KCNC2: variants seen among roughly 807,000 people sequenced by gnomAD.
KCNC2 encodes voltage-gated potassium channel KCNC2.
A neutral mutation model predicts 44.5 loss-of-function variants in KCNC2; 21 were observed. The ratio of observed to expected loss-of-function variants is 0.47; its 90% CI spans 0.33 to 0.68. The LOEUF (loss-of-function observed/expected upper bound fraction) is 0.68. Among genes scored for constraint, KCNC2 ranks in the 30% least tolerant of loss-of-function variants. KCNC2 has a pLI of 0.01. For synonymous variants in KCNC2, 391 were observed against 339.1 expected, an observed-to-expected ratio of 1.15 and a Z score of -1.68; for missense variants, 589 against 826.2, an observed-to-expected ratio of 0.71 and a Z score of 3.52.
chr12:75,046,781 C>G (rs533692998), intron 4 of KCNC2, among the ~76,000 whole-genome samples: 2 of 151,838 alleles, frequency 1.3e-5, no homozygotes, highest in East Asian at 1.9e-4. Flanking sequence ...GAAATAGATG[C>G]AAACAATGGA....
chr12:75,191,093 A>G (rs1047064943), intron 2 of KCNC2, among the ~76,000 whole-genome samples: 2 of 152,170 alleles, frequency 1.3e-5, no homozygotes, highest in African/African-American at 4.8e-5. Context: ...GACACCATTC[A>G]CAATAACAAC....
At chr12:75,066,508 A>G (rs575462652) in intron 2 of KCNC2, among the ~76,000 whole-genome samples, 1 of 152,316 alleles carries the variant, frequency 6.6e-6, no homozygotes, top group East Asian at 1.9e-4. Context: ...TAGCTAAATC[A>G]ATCAACTTAA....
chr12:75,167,637 C>T (rs1244762364), intron 2 of KCNC2, among the ~76,000 whole-genome samples: 7 of 151,492 alleles, frequency 4.6e-5, no homozygotes, highest in Admixed American at 3.3e-4. Context: ...GCAGGGAAGG[C>T]TTTCTTCCAC....
At chr12:75,047,879 A>T (rs1880704537) in intron 4 of KCNC2, among the ~76,000 whole-genome samples, 1 of 152,208 alleles carries the variant, frequency 6.6e-6, no homozygotes, top group Non-Finnish European at 1.5e-5. Context: ...AAGTGATTTA[A>T]TATTTACATA....
At chr12:75,124,064 T>G (rs1888228784) in intron 2 of KCNC2, 1 of 152,230 alleles carries the variant, frequency 6.6e-6, no homozygotes. Flanking sequence ...AAACTTGATC[T>G]TCTGTGTTCA....
intron 1 of KCNC2, among the ~76,000 whole-genome samples, chr12:75,208,220 T>C (rs534390489): frequency 6.6e-6 from 1 of 152,206 alleles, no homozygotes; most frequent in South Asian, 2.1e-4. Flanking sequence ...ATAGCAGTCC[T>C]AGTCTTTCTT....
intron 2 of KCNC2, among the ~76,000 whole-genome samples, chr12:75,201,601 G>A (rs913284753): frequency 1.3e-5 from 2 of 151,822 alleles, no homozygotes; most frequent in African/African-American, 4.8e-5. Flanking sequence ...CTCAATTCAG[G>A]CATTTTTCAA....
At chr12:75,108,611 C>A (rs1056363867) in intron 2 of KCNC2, among the ~76,000 whole-genome samples, 1 of 152,164 alleles carries the variant, frequency 6.6e-6, no homozygotes, top group African/African-American at 2.4e-5. Context: ...TTTATCCATT[C>A]CAAAACAGCT....
intron 2 of KCNC2, among the ~76,000 whole-genome samples, chr12:75,052,431 T>A (rs1048153071): frequency 6.6e-6 from 1 of 152,124 alleles, no homozygotes; most frequent in Non-Finnish European, 1.5e-5. Flanking sequence ...ATCTGAAAAC[T>A]TGAAATCCAG....
Position 75,042,508 on chromosome 12 carries a change from G to C in KCNC2, c.*597C>G. On this transcript the variant is annotated 3_prime_UTR_variant, in exon 5 of 5. Coordinates refer to ENST00000549446, the MANE Select transcript of KCNC2 (RefSeq NM_139137.4). ...TAAGAAAAAAATGTCAAGGAGAAAA[G>C]TGCCCTCCCTGCCCCACAATTCAAC... 2.1e-6 allele frequency: 3 copies of C among 1,431,688 alleles called. No homozygotes were observed. The highest frequency in any genetic ancestry group is 2.7e-6 in the Non-Finnish European group (3 of 1,095,164). 88.7% of individuals were successfully genotyped at this position (1,431,688 alleles called of 1,614,324 possible). A position where few individuals can be genotyped will look rare whatever the true frequency, so the allele number is the denominator to read the frequency against.
In KCNC2 at chr12:75,134,202, A is replaced by G. The variant is rs543650340; in HGVS notation, c.687+73095T>C. ...CTTAAATATGTATAGCTAAAATTAG[A>G]GCATAGTACTTAAAATATAATAAAA... On this transcript the variant is annotated intron_variant, in intron 2 of 4. Transcript: ENST00000549446. Among the ~76,000 whole-genome samples the G allele has an allele frequency of 3.3e-5, 5 of 152,088 alleles. No homozygotes were observed. The East Asian group carries it at 7.7e-4, about 23-fold the overall frequency.
intron 2 of KCNC2, among the ~76,000 whole-genome samples, chr12:75,080,205 T>A (rs894899014): frequency 6.6e-6 from 1 of 152,188 alleles, no homozygotes; most frequent in African/African-American, 2.4e-5. Context: ...AAATATTTTT[T>A]AATCACAAAT....
intron 2 of KCNC2, among the ~76,000 whole-genome samples, chr12:75,139,997 C>T (rs1419491676): frequency 1.3e-5 from 2 of 152,084 alleles, no homozygotes; most frequent in African/African-American, 4.8e-5. Context: ...ACAAACCACC[C>T]TAAAATATAG....
intron 2 of KCNC2, among the ~76,000 whole-genome samples, chr12:75,169,461 A>G (rs1394667938): frequency 6.6e-6 from 1 of 151,546 alleles, no homozygotes; most frequent in African/African-American, 2.4e-5. Context: ...TTCTTTTAAA[A>G]TTTATGAAAT....
chr12:75,115,026 G>A (rs373683598), intron 2 of KCNC2, among the ~76,000 whole-genome samples: 88 of 152,004 alleles, frequency 5.8e-4, no homozygotes, highest in African/African-American at 2.1e-3. Context: ...ACCACGCCCG[G>A]CTAATTTTTT....
intron 2 of KCNC2, among the ~76,000 whole-genome samples, chr12:75,196,685 C>T (rs1209081126): frequency 2.0e-5 from 3 of 152,000 alleles, no homozygotes; most frequent in Non-Finnish European, 2.9e-5. Flanking sequence ...TCATATTTAG[C>T]GTATTCAGTC....
chr12:75,078,944 C>T (rs1002561426), intron 2 of KCNC2, among the ~76,000 whole-genome samples: 1 of 152,074 alleles, frequency 6.6e-6, no homozygotes, highest in Admixed American at 6.6e-5. Flanking sequence ...CTAGCTGTAC[C>T]TGACTTTAAG....
intron 2 of KCNC2, among the ~76,000 whole-genome samples, chr12:75,138,214 A>G (rs1889368264): frequency 6.6e-6 from 1 of 152,178 alleles, no homozygotes; most frequent in African/African-American, 2.4e-5. Context: ...GCTTTTGCCA[A>G]TGGGAAAAAA....
At chr12:75,160,591 A>C (rs1891057527) in intron 2 of KCNC2, among the ~76,000 whole-genome samples, 1 of 151,844 alleles carries the variant, frequency 6.6e-6, no homozygotes, top group Non-Finnish European at 1.5e-5. Flanking sequence ...TATAGTAATA[A>C]ATCCAGAATT....
Sources: allele counts gnomAD v4.1 joint callset (sites outside exome capture counted in the v4.1 genomes callset), GRCh38; gene constraint gnomAD v4.1.1; transcripts MANE v1.5; gene names NCBI Gene and HGNC (gene_info 2026-07-23, HGNC 2026-07-21).